NCK1: variants seen among roughly 807,000 people sequenced by gnomAD.
NCK1 encodes the protein SH2/SH3 adapter protein NCK1.
A neutral mutation model predicts 36.6 loss-of-function variants in NCK1; 19 were observed. That is an observed-to-expected ratio of 0.52 (90% CI 0.36 to 0.76). The LOEUF is 0.76. NCK1 is among the 30% of genes least tolerant of loss of function. NCK1 has a pLI of 0.00. For synonymous variants in NCK1, 165 were observed against 156.0 expected, an observed-to-expected ratio of 1.06 and a Z score of -0.43; for missense variants, 358 against 445.6, an observed-to-expected ratio of 0.80 and a Z score of 1.77.
intron 1 of NCK1, among the ~76,000 whole-genome samples, chr3:136,913,679 GT>G (rs1246867071): frequency 6.6e-6 from 1 of 151,336 alleles, no homozygotes; most frequent in South Asian, 2.1e-4. Flanking sequence ...GTTTTGTTTT[GT>G]TTTTTTGAGA....
chr3:136,862,845 G>A (rs1938278747), intron 1 of NCK1, among the ~76,000 whole-genome samples: 2 of 152,008 alleles, frequency 1.3e-5, no homozygotes, highest in Admixed American at 1.3e-4. Flanking sequence ...ACATCTTCGG[G>A]ACGCGCCCTC....
At chr3:136,872,219 A>G (rs951001117) in intron 1 of NCK1, among the ~76,000 whole-genome samples, 5 of 152,168 alleles carry the variant, frequency 3.3e-5, no homozygotes, top group Non-Finnish European at 7.3e-5. Context: ...TGCGATATGG[A>G]CCATAAAGTC....
At chr3:136,895,099 T>C (rs937114072) in intron 1 of NCK1, among the ~76,000 whole-genome samples, 14 of 152,310 alleles carry the variant, frequency 9.2e-5, no homozygotes, top group African/African-American at 3.4e-4. Flanking sequence ...GGTCTCGAAC[T>C]CCTGACCTCA....
chr3:136,918,477 A>G (rs1940020793), intron 1 of NCK1, among the ~76,000 whole-genome samples: 1 of 152,254 alleles, frequency 6.6e-6, no homozygotes, highest in African/African-American at 2.4e-5. Context: ...TGCATAGGTT[A>G]TGTACAAGTA....
At chr3:136,863,015 A>G (rs1448000538) in intron 1 of NCK1, among the ~76,000 whole-genome samples, 1 of 79,384 alleles carries the variant, frequency 1.3e-5, no homozygotes, top group African/African-American at 4.0e-5. Flanking sequence ...AGGTTTTGTA[A>G]CCTTTCTTCT....
chr3:136,876,029 T>C (rs1326489384), intron 1 of NCK1, among the ~76,000 whole-genome samples: 1 of 151,528 alleles, frequency 6.6e-6, no homozygotes, highest in African/African-American at 2.4e-5. Context: ...ACATGGAAAC[T>C]GAACAACCTG....
chr3:136,945,374 A>G (rs982705367), intron 2 of NCK1, among the ~76,000 whole-genome samples: 10 of 152,258 alleles, frequency 6.6e-5, no homozygotes, highest in Non-Finnish European at 1.5e-4. Context: ...GTCATATAAT[A>G]ACAAATTAAA....
chr3:136,927,917 C>A, intron 1 of NCK1, 67 bp from the exon 2 acceptor site: 1 of 1,153,056 alleles, frequency 8.7e-7, no homozygotes. Context: ...AGGTGTGTCT[C>A]TTTTGAAAAG....
At chr3:136,871,246 A>G (rs947726198) in intron 1 of NCK1, among the ~76,000 whole-genome samples, 1 of 152,014 alleles carries the variant, frequency 6.6e-6, no homozygotes, top group Non-Finnish European at 1.5e-5. Context: ...AGTAAAAAAA[A>G]AAAATTAGCC....
In NCK1 at chr3:136,932,688, G is replaced by C. The variant is rs906653810; in HGVS notation, c.226+4461G>C. 6.6e-4 allele frequency among the ~76,000 whole-genome samples: 101 copies of C among 152,174 alleles called. 1 individual carries two copies. Among genetic ancestry groups the C allele is most frequent in the Non-Finnish European group, 1.6e-4 (11 of 68,028 alleles). On this transcript the variant is annotated intron_variant, in intron 2 of 3. Coordinates refer to ENST00000481752, the MANE Select transcript of NCK1 (RefSeq NM_001291999.2). ...CCTTGTAAAAGAGAGAGTTGGGCAA[G>C]ACTAAATGATCCTGGAAAGTCCCTT... is the stretch of plus-strand genomic sequence containing the variant.
At chr3:136,867,405 A>ATTTTTTTTTTTTTTTTTTTTT (rs34322362) in intron 1 of NCK1, 1 of 101,590 alleles carries the variant, frequency 9.8e-6, no homozygotes, top group African/African-American at 3.9e-5. Context: ...TGTCTGGCTA[A>ATTTTTTTTTTTTTTTTTTTTT]TTTTTTTTTT....
At chr3:136,924,729 T>G (rs12629000) in intron 1 of NCK1, among the ~76,000 whole-genome samples, 1 of 152,072 alleles carries the variant, frequency 6.6e-6, no homozygotes, top group Non-Finnish European at 1.5e-5. Flanking sequence ...ACACTGCCAT[T>G]AGGCAGGAGG....
chr3:136,867,101 TTTC>T (rs1938451857), intron 1 of NCK1, among the ~76,000 whole-genome samples: 14 of 33,600 alleles, frequency 4.2e-4, no homozygotes, highest in African/African-American at 1.6e-3. Flanking sequence ...TCTTTCTTTC[TTTC>T]TTTCTTTCTT....
chr3:136,932,217 A>T (rs763667689), intron 2 of NCK1, among the ~76,000 whole-genome samples: 8 of 151,810 alleles, frequency 5.3e-5, no homozygotes, highest in Non-Finnish European at 1.0e-4. Context: ...GCTGAGTCTT[A>T]GGAAGTTGAT....
At chr3:136,914,826 T>C (rs538442143) in intron 1 of NCK1, among the ~76,000 whole-genome samples, 2 of 152,336 alleles carry the variant, frequency 1.3e-5, no homozygotes, top group South Asian at 4.1e-4. Flanking sequence ...TGGGGCCTAA[T>C]GGGAGGTGTT....
chr3:136,875,827 C>T (rs1938750811), intron 1 of NCK1, among the ~76,000 whole-genome samples: 1 of 150,274 alleles, frequency 6.7e-6, no homozygotes, highest in African/African-American at 2.5e-5. Flanking sequence ...CAGAACTCTC[C>T]ACCCCAAATC....
intron 1 of NCK1, among the ~76,000 whole-genome samples, chr3:136,923,517 TGC>T (rs1409775735): frequency 6.6e-6 from 1 of 151,840 alleles, no homozygotes; most frequent in African/African-American, 2.4e-5. Context: ...GTCGCTCCAC[TGC>T]ACTCCAGCCT....
intron 1 of NCK1, among the ~76,000 whole-genome samples, chr3:136,872,914 A>T (rs1410974548): frequency 2.0e-5 from 3 of 152,206 alleles, no homozygotes; most frequent in African/African-American, 7.2e-5. Flanking sequence ...ATTTCAGAAG[A>T]TGTATGGAAA....
chr3:136,925,321 G>A (rs976118343), intron 1 of NCK1, among the ~76,000 whole-genome samples: 3 of 151,978 alleles, frequency 2.0e-5, no homozygotes, highest in African/African-American at 7.3e-5. Flanking sequence ...TTCTCTTTCA[G>A]TTTTTATTTT....
Sources: allele counts gnomAD v4.1 joint callset (sites outside exome capture counted in the v4.1 genomes callset), GRCh38; gene constraint gnomAD v4.1.1; transcripts MANE v1.5; gene names NCBI Gene and HGNC (gene_info 2026-07-23, HGNC 2026-07-21).